DDX28: variants seen among roughly 807,000 people sequenced by gnomAD.
DDX28 encodes probable ATP-dependent RNA helicase DDX28.
DDX28 carries 25 observed loss-of-function variants against 26.8 expected under a neutral mutation model. The ratio of observed to expected loss-of-function variants is 0.93; its 90% CI spans 0.68 to 1.30. The LOEUF (loss-of-function observed/expected upper bound fraction) is 1.30. Among genes scored for constraint, DDX28 ranks in the 50% most tolerant of loss-of-function variants. DDX28 has a pLI of 0.00. For synonymous variants in DDX28, 370 were observed against 311.9 expected, an observed-to-expected ratio of 1.19 and a Z score of -1.96; for missense variants, 790 against 695.1, an observed-to-expected ratio of 1.14 and a Z score of -1.53.
chr16:68,023,187 G>A lies in DDX28; in HGVS notation c.16C>T (p.Pro6Ser), dbSNP rs746436723. The stretch of plus-strand genomic sequence containing the variant: ...GTCACGAGGGAAAAGAGCCGCACCG[G>A]CCGCGTTAGAGCCATGTTTCCCTTA... MALTR[P>S]VRLFSLVTRL... Residue 6 changes from proline to serine, a missense_variant, in exon 1 of 1, where the codon CCG (proline) becomes TCG (serine). By Grantham distance (74) the Pro-to-Ser change is moderately conservative. Transcript: ENST00000332395. The A allele has an allele frequency of 1.9e-6, 3 of 1,609,832 alleles. No individual in the cohort carries two copies. The highest frequency in any genetic ancestry group is 4.5e-5 in the East Asian group (2 of 44,838).
In DDX28 at chr16:68,021,849, G is replaced by C; in HGVS notation, c.1354C>G (p.Leu452Val). 1 of 1,614,228 alleles carries C rather than the reference G, an allele frequency of 6.2e-7. No individual in the cohort carries two copies. Among genetic ancestry groups the C allele is most frequent in the Middle Eastern group, 1.6e-4 (1 of 6,062 alleles). The part of the protein sequence containing the change: ...SFQKSSRDIL[L>V]CTDIASRGLD... ...CCCCGAGAGGCTATGTCTGTGCAGA[G>C]AAGTATGTCTCGGGAGCTCTTCTGG... is the stretch of plus-strand genomic sequence containing the variant. Residue 452 changes from leucine to valine, a missense_variant, in exon 1 of 1, where the codon CTC becomes GTC. Leu to Val is a conservative substitution (Grantham distance 32, BLOSUM62 1). Transcript: ENST00000332395.
At position 68,022,204 on chromosome 16, in the gene DDX28, A is replaced by G; in HGVS notation, c.999T>C (p.Phe333=). 1 of 1,614,176 alleles carries G rather than the reference A, an allele frequency of 6.2e-7. No individual in the cohort carries two copies. The highest frequency in any genetic ancestry group is 8.5e-7 in the Non-Finnish European group (1 of 1,180,028). ...KAQLVLVGAT[F]PEGVGQLLNK... Reference sequence around the variant, plus strand: ...TCAGCAACTGGCCTACACCTTCGGGAAATGTGGCTCCTACCAGCACTAACT... The same window carrying G: ...TCAGCAACTGGCCTACACCTTCGGGGAATGTGGCTCCTACCAGCACTAACT... The change falls in exon 1 of 1, where the codon TTT becomes TTC. Residue 333 remains phenylalanine (F), a synonymous_variant. Transcript: ENST00000332395.
At position 68,022,571 on chromosome 16, in the gene DDX28, G is replaced by A. The variant is rs1308943601; in HGVS notation, c.632C>T (p.Pro211Leu). ...CACCTGTTGGGCCAATTCTCGGGAA[G>A]GAACAAGGACCAGGCCTCGGGGCGC... Reference protein sequence around the residue: ...IPAPRGLVLVPSRELAQQVRA... With the variant: ...IPAPRGLVLVLSRELAQQVRA... Residue 211 changes from proline (P) to leucine (L), a missense_variant, in exon 1 of 1, where the codon CCT (proline) becomes CTT (leucine). Coordinates refer to ENST00000332395, the MANE Select transcript of DDX28 (RefSeq NM_018380.4). 21 of 1,614,042 alleles carry A rather than the reference G, an allele frequency of 1.3e-5. No individual in the cohort carries two copies. Among genetic ancestry groups the A allele is most frequent in the Middle Eastern group, 3.3e-4 (2 of 6,062 alleles).
At position 68,021,691 on chromosome 16, in the gene DDX28, G is replaced by A. The variant is rs770061205; in HGVS notation, c.1512C>T (p.Thr504=). The change falls in exon 1 of 1, where the codon ACC becomes ACT. Residue 504 remains threonine (T), a synonymous_variant. Coordinates refer to ENST00000332395, the MANE Select transcript of DDX28 (RefSeq NM_018380.4). ...EVPGTVISFV[T]HPWDVSLVQK... ...GAACCAGGCTCACATCCCAGGGATGGGTCACAAAACTGATGACGGTGCCTG... is the reference window on the plus strand; with the variant it reads ...GAACCAGGCTCACATCCCAGGGATGAGTCACAAAACTGATGACGGTGCCTG... 6.2e-7 allele frequency: 1 copy of A among 1,614,200 alleles called. No homozygotes were observed. The highest frequency in any genetic ancestry group is 8.5e-7 in the Non-Finnish European group (1 of 1,180,036).
chr16:68,022,013 G>C lies in DDX28; in HGVS notation c.1190C>G (p.Ser397Ter), dbSNP rs766713563. ...ATTACAGAACACCAGAACAGTTCCT[G>C]AGGGACCAGTCCTTTCTGCTCTGTC... Reference protein sequence around the residue: ...HRDRAERTGPSGTVLVFCNSS... With the variant: ...HRDRAERTGP The change falls in exon 1 of 1, where the codon TCA (serine) becomes TGA (stop). Residue 397 changes from serine (S) to a stop codon, truncating the protein, a stop_gained. Coordinates refer to ENST00000332395, the MANE Select transcript of DDX28 (RefSeq NM_018380.4). LOFTEE classifies it high-confidence loss of function. 4.3e-6 allele frequency: 7 copies of C among 1,614,210 alleles called. No individual in the cohort carries two copies. Among genetic ancestry groups the C allele is most frequent in the Non-Finnish European group, 5.9e-6 (7 of 1,180,042 alleles).
chr16:68,023,229 C>A lies in DDX28; in HGVS notation c.-27G>T. 1 of 1,588,700 alleles carries A rather than the reference C, an allele frequency of 6.3e-7. No individual in the cohort carries two copies. The highest frequency in any genetic ancestry group is 1.1e-5 in the South Asian group (1 of 87,858). On this transcript the variant is annotated 5_prime_UTR_variant, in exon 1 of 1. The change abolishes an upstream ATG in the 5' untranslated region. Transcript: ENST00000332395. ...TTTCCCTTAGTGCGGGAGAAGCGCA[C>A]ATCAGTGACGTCACGGACGCGCCGC...
At position 68,023,095 on chromosome 16, in the gene DDX28, C is replaced by T. The variant is rs2151404294; in HGVS notation, c.108G>A (p.Val36=). 1.2e-6 allele frequency: 2 copies of T among 1,602,704 alleles called. No individual in the cohort carries two copies. Residue 36 remains valine (V), a synonymous_variant, in exon 1 of 1, where the codon GTG becomes GTA. Coordinates refer to ENST00000332395, the MANE Select transcript of DDX28 (RefSeq NM_018380.4). The part of the protein sequence containing the change: ...VRSPDEPLPV[V]RIPVALQRQL... Reference sequence around the variant, plus strand: ...GCCGCTGTAGAGCCACTGGGATGCGCACCACCGGCAGGGGTTCGTCGGGAC... The same window carrying T: ...GCCGCTGTAGAGCCACTGGGATGCGTACCACCGGCAGGGGTTCGTCGGGAC...
chr16:68,022,635 G>A lies in DDX28; in HGVS notation c.568C>T (p.Leu190Phe), dbSNP rs2033265418. Residue 190 changes from leucine (L) to phenylalanine (F), a missense_variant, in exon 1 of 1, where the codon CTC (leucine) becomes TTC (phenylalanine). Transcript: ENST00000332395. ...GAGTCCAGGCTTGGCTGGCCCAAGAGCCGTTGAAGCAGCGGCAGGAGGTAG... is the reference window on the plus strand; with the variant it reads ...GAGTCCAGGCTTGGCTGGCCCAAGAACCGTTGAAGCAGCGGCAGGAGGTAG... ...LSYLLPLLQR[L>F]LGQPSLDSLP... 1.2e-6 allele frequency: 2 copies of A among 1,613,044 alleles called. No homozygotes were observed. Among genetic ancestry groups the A allele is most frequent in the African/African-American group, 1.3e-5 (1 of 74,948 alleles).
Position 68,022,919 on chromosome 16 carries a change from T to G in DDX28, c.284A>C (p.Gln95Pro). 6.4e-7 allele frequency: 1 copy of G among 1,556,090 alleles called. No individual in the cohort carries two copies. The highest frequency in any genetic ancestry group is 1.2e-5 in the South Asian group (1 of 86,876). The change falls in exon 1 of 1, where the codon CAA becomes CCA. Residue 95 changes from glutamine (Q) to proline (P), a missense_variant. Coordinates refer to ENST00000332395, the MANE Select transcript of DDX28 (RefSeq NM_018380.4). ...ACGCGCGCGTCGACTCTTCCAGCCTTGAGAGGCTAGCGGCGCGCGCTCCCA... is the reference window on the plus strand; with the variant it reads ...ACGCGCGCGTCGACTCTTCCAGCCTGGAGAGGCTAGCGGCGCGCGCTCCCA... ...GRWERAPLAS[Q>P]GWKSRRARRD...
At position 68,021,226 on chromosome 16, in the gene DDX28, T is replaced by C. The variant is rs2033231772; in HGVS notation, c.*354A>G. On this transcript the variant is annotated 3_prime_UTR_variant, in exon 1 of 1. Coordinates refer to ENST00000332395, the MANE Select transcript of DDX28 (RefSeq NM_018380.4). The stretch of plus-strand genomic sequence containing the variant: ...TGAAAACATCAACTGAAAGAGCCTT[T>C]GTCCTAGATGTGGAGGTTTGGTGTA... 4.2e-6 allele frequency: 1 copy of C among 240,810 alleles called. No individual in the cohort carries two copies. Among genetic ancestry groups the C allele is most frequent in the Admixed American group, 5.1e-5 (1 of 19,474 alleles). 14.9% of individuals were successfully genotyped at this position (240,810 alleles called of 1,614,324 possible).
chr16:68,023,177 A>T lies in DDX28; in HGVS notation c.26T>A (p.Leu9His). The part of the protein sequence containing the change: MALTRPVR[L>H]FSLVTRLLLA... ...GAGCAACCGAGTCACGAGGGAAAAG[A>T]GCCGCACCGGCCGCGTTAGAGCCAT... is the stretch of plus-strand genomic sequence containing the variant. The change falls in exon 1 of 1, where the codon CTC (leucine) becomes CAC (histidine). Residue 9 changes from leucine (L) to histidine (H), a missense_variant. By Grantham distance (99) the Leu-to-His change is moderately conservative. Coordinates refer to ENST00000332395, the MANE Select transcript of DDX28 (RefSeq NM_018380.4). 1 of 1,609,674 alleles carries T rather than the reference A, an allele frequency of 6.2e-7. No individual in the cohort carries two copies. Among genetic ancestry groups the T allele is most frequent in the Non-Finnish European group, 8.5e-7 (1 of 1,179,286 alleles).
chr16:68,022,845 G>A lies in DDX28; in HGVS notation c.358C>T (p.Arg120Ter), dbSNP rs1225856683. Residue 120 changes from arginine to a stop codon, truncating the protein, a stop_gained, in exon 1 of 1, where the codon CGA becomes TGA. Coordinates refer to ENST00000332395, the MANE Select transcript of DDX28 (RefSeq NM_018380.4). LOFTEE classifies it high-confidence loss of function. ...AAGCTGCCCTTAGACGAGAGCTTTC[G>A]CACCGCTGGCGCCTCCTGTTGCGCG... Reference protein sequence around the residue: ...ERAQQEAPAVRKLSSKGSFAD... With the variant: ...ERAQQEAPAV 1.3e-6 allele frequency: 2 copies of A among 1,569,872 alleles called. No homozygotes were observed. Among genetic ancestry groups the A allele is most frequent in the Non-Finnish European group, 1.7e-6 (2 of 1,158,060 alleles).
rs1241554332 is a variant in DDX28, at chr16:68,022,476, T to A, written c.727A>T (p.Met243Leu). ...LVRDLEGGHGMRRIRLQLSRQ... is the reference protein window; with the variant it reads ...LVRDLEGGHGLRRIRLQLSRQ... ...GACAGCTGCAGCCTGATCCTACGCA[T>A]GCCGTGGCCTCCCTCCAGGTCCCGC... The change falls in exon 1 of 1, where the codon ATG becomes TTG. Residue 243 changes from methionine (M) to leucine (L), a missense_variant. Transcript: ENST00000332395. The A allele has an allele frequency of 1.9e-6, 3 of 1,613,750 alleles. No homozygotes were observed. Among genetic ancestry groups the A allele is most frequent in the Non-Finnish European group, 2.5e-6 (3 of 1,180,028 alleles).
rs773122606 is a variant in DDX28, at chr16:68,022,698, C to T, written c.505G>A (p.Val169Ile). The T allele has an allele frequency of 3.1e-6, 5 of 1,613,190 alleles. No individual in the cohort carries two copies. The highest frequency in any genetic ancestry group is 2.5e-6 in the Non-Finnish European group (3 of 1,180,018). ...IPSLLRGRHV[V>I]CAAETGSGKT... The stretch of plus-strand genomic sequence containing the variant: ...CCACTGCCGGTTTCTGCGGCGCAAA[C>T]GACATGGCGGCCGCGAAGTAGTGAG... Residue 169 changes from valine (V) to isoleucine (I), a missense_variant, in exon 1 of 1, where the codon GTT (valine) becomes ATT (isoleucine). By Grantham distance (29) the Val-to-Ile change is conservative (BLOSUM62 3). Coordinates refer to ENST00000332395, the MANE Select transcript of DDX28 (RefSeq NM_018380.4).
Position 68,021,701 on chromosome 16 carries a change from C to A in DDX28, c.1502G>T (p.Ser501Ile), listed in dbSNP as rs2033242753. The change falls in exon 1 of 1, where the codon AGT becomes ATT. Residue 501 changes from serine (S) to isoleucine (I), a missense_variant. Coordinates refer to ENST00000332395, the MANE Select transcript of DDX28 (RefSeq NM_018380.4). Reference protein sequence around the residue: ...VGSEVPGTVISFVTHPWDVSL... With the variant: ...VGSEVPGTVIIFVTHPWDVSL... ...CACATCCCAGGGATGGGTCACAAAA[C>A]TGATGACGGTGCCTGGCACCTCGCT... 6.2e-7 allele frequency: 1 copy of A among 1,614,114 alleles called. No homozygotes were observed. Among genetic ancestry groups the A allele is most frequent in the South Asian group, 1.1e-5 (1 of 91,086 alleles).
In DDX28 at chr16:68,021,584, G is replaced by C. The variant is rs778602882; in HGVS notation, c.1619C>G (p.Thr540Ser). The C allele has an allele frequency of 6.2e-7, 1 of 1,611,790 alleles. No individual in the cohort carries two copies. Among genetic ancestry groups the C allele is most frequent in the South Asian group, 1.1e-5 (1 of 90,958 alleles). ...SSVKEPLPQA[T>S] is the part of the protein sequence containing the mutation. ...TTTTAATCAGATTTGTCAAAATCAGGTTGCTTGGGGCAAAGGCTCTTTCAC... is the reference window on the plus strand; with the variant it reads ...TTTTAATCAGATTTGTCAAAATCAGCTTGCTTGGGGCAAAGGCTCTTTCAC... Residue 540 changes from threonine to serine, a missense_variant, in exon 1 of 1, where the codon ACC becomes AGC. By Grantham distance (58) the Thr-to-Ser change is moderately conservative. Coordinates refer to ENST00000332395, the MANE Select transcript of DDX28 (RefSeq NM_018380.4).
In DDX28 at chr16:68,021,721, C is replaced by T. The variant is rs772978770; in HGVS notation, c.1482G>A (p.Glu494=). 2 of 1,614,206 alleles carry T rather than the reference C, an allele frequency of 1.2e-6. No homozygotes were observed. The highest frequency in any genetic ancestry group is 2.2e-5 in the South Asian group (2 of 91,086). ...RAGRVGRVGS[E]VPGTVISFVT... ...CAAAACTGATGACGGTGCCTGGCAC[C>T]TCGCTCCCCACACGGCCCACTCTCC... is the stretch of plus-strand genomic sequence containing the variant. The change falls in exon 1 of 1, where the codon GAG becomes GAA. Residue 494 remains glutamate (E), a synonymous_variant. Coordinates refer to ENST00000332395, the MANE Select transcript of DDX28 (RefSeq NM_018380.4).
rs1268343150 is a variant in DDX28 at position 68,022,062 on chromosome 16, G to C, written c.1141C>G (p.Leu381Val). ...RLKGADKVAELVHILKHRDRA... is the reference protein window; with the variant it reads ...RLKGADKVAEVVHILKHRDRA... ...TCACGATGCTTGAGGATGTGCACCA[G>C]CTCGGCCACCTTATCTGCTCCCTTC... is the stretch of plus-strand genomic sequence containing the variant. The change falls in exon 1 of 1, where the codon CTG (leucine) becomes GTG (valine). Residue 381 changes from leucine (L) to valine (V), a missense_variant. Coordinates refer to ENST00000332395, the MANE Select transcript of DDX28 (RefSeq NM_018380.4). 1.9e-6 allele frequency: 3 copies of C among 1,614,060 alleles called. No individual in the cohort carries two copies. The highest frequency in any genetic ancestry group is 1.3e-5 in the African/African-American group (1 of 74,936).
Position 68,021,473 on chromosome 16 carries a change from A to G in DDX28, c.*107T>C. 2 of 1,247,288 alleles carry G rather than the reference A, an allele frequency of 1.6e-6. No individual in the cohort carries two copies. The highest frequency in any genetic ancestry group is 3.0e-5 in the South Asian group (2 of 66,460). 77.3% of individuals were successfully genotyped at this position (1,247,288 alleles called of 1,614,324 possible). A position where few individuals can be genotyped will look rare whatever the true frequency, so the allele number is the denominator to read the frequency against. ...AAAGCAGTTCATCCCGCCCTCAAGGAGCCGACAGGGCAGCCCAGAGCCTCC... is the reference window on the plus strand; with the variant it reads ...AAAGCAGTTCATCCCGCCCTCAAGGGGCCGACAGGGCAGCCCAGAGCCTCC... On this transcript the variant is annotated 3_prime_UTR_variant, in exon 1 of 1. Coordinates refer to ENST00000332395, the MANE Select transcript of DDX28 (RefSeq NM_018380.4).
Sources: allele counts gnomAD v4.1 joint callset, GRCh38; gene constraint gnomAD v4.1.1; transcripts MANE v1.5; gene names NCBI Gene and HGNC (gene_info 2026-07-23, HGNC 2026-07-21).